CERS3: variants seen among roughly 807,000 people sequenced by gnomAD.
CERS3 encodes the protein ceramide synthase 3.
CERS3 carries 33 observed loss-of-function variants against 50.3 expected under a neutral mutation model. That is an observed-to-expected ratio of 0.66 (90% CI 0.50 to 0.88). CERS3 has a LOEUF of 0.88. CERS3 is among the 40% of genes least tolerant of loss of function. The pLI is 0.00. For missense variants in CERS3, 470 were observed against 460.3 expected (o/e 1.02, Z -0.19); for synonymous variants, 176 against 155.2 (o/e 1.13, Z -0.99).
At chr15:100,526,478 CTGTGTGTGTGTGTG>C (rs1217852084) in intron 1 of CERS3, among the ~76,000 whole-genome samples, 1 of 131,458 alleles carries the variant, frequency 7.6e-6, no homozygotes, top group Non-Finnish European at 1.6e-5. Flanking sequence ...CCTACATAAA[CTGTGTGTGTGTGTG>C]TGTGTGTGTG....
At chr15:100,473,827 C>G (rs745902684) in intron 8 of CERS3, among the ~76,000 whole-genome samples, 20 of 152,198 alleles carry the variant, frequency 1.3e-4, no homozygotes, top group Non-Finnish European at 2.8e-4. Flanking sequence ...CATGCAAAAA[C>G]TTGTGTATGA....
chr15:100,456,542 A>G (rs1218855155), intron 10 of CERS3, among the ~76,000 whole-genome samples: 1 of 152,250 alleles, frequency 6.6e-6, no homozygotes, highest in Non-Finnish European at 1.5e-5. Flanking sequence ...TGAGTACTTA[A>G]CACTTCTGCT....
At chr15:100,458,125 A>C (rs533173422) in intron 10 of CERS3, among the ~76,000 whole-genome samples, 3 of 152,236 alleles carry the variant, frequency 2.0e-5, no homozygotes, top group Non-Finnish European at 4.4e-5. Flanking sequence ...TTTATGAAAG[A>C]AGAGTTTCAC....
At chr15:100,415,062 C>G (rs768780116) in intron 11 of CERS3, among the ~76,000 whole-genome samples, 1 of 152,020 alleles carries the variant, frequency 6.6e-6, no homozygotes, top group Non-Finnish European at 1.5e-5. Context: ...TATCCAGAAC[C>G]TACAATGAAC....
chr15:100,541,471 TA>T (rs201943059), intron 1 of CERS3, among the ~76,000 whole-genome samples: 17 of 146,250 alleles, frequency 1.2e-4, no homozygotes, highest in Admixed American at 2.0e-4. Context: ...GACTCCATCT[TA>T]AAAAAAAAAA....
chr15:100,442,833 T>A (rs912483022), intron 11 of CERS3, among the ~76,000 whole-genome samples: 1 of 152,162 alleles, frequency 6.6e-6, no homozygotes, highest in Admixed American at 6.6e-5. Flanking sequence ...ACTCTCACAG[T>A]GGAAGGTAAG....
At chr15:100,407,967 G>A (rs1016133659) in intron 11 of CERS3, among the ~76,000 whole-genome samples, 4 of 152,140 alleles carry the variant, frequency 2.6e-5, no homozygotes, top group South Asian at 4.1e-4. Context: ...TGCCTCCAAG[G>A]TTCAAGTGAT....
chr15:100,532,737 C>T (rs866409727), upstream of CERS3, among the ~76,000 whole-genome samples: 2 of 152,004 alleles, frequency 1.3e-5, no homozygotes, highest in Non-Finnish European at 2.9e-5. Context: ...CCAGACTGGG[C>T]GACAGAGTAA....
At chr15:100,448,442 T>C (rs768101738) in intron 11 of CERS3, among the ~76,000 whole-genome samples, 1 of 152,212 alleles carries the variant, frequency 6.6e-6, no homozygotes, top group Non-Finnish European at 1.5e-5. Context: ...ATTCCCATCA[T>C]GGACTCCTGC....
chr15:100,454,566 T>G (rs1295862266), intron 11 of CERS3, among the ~76,000 whole-genome samples: 1 of 152,072 alleles, frequency 6.6e-6, no homozygotes, highest in African/African-American at 2.4e-5. Flanking sequence ...ACACAGATTA[T>G]AGACTTAAAT....
At chr15:100,413,175 C>T (rs915679808) in intron 11 of CERS3, among the ~76,000 whole-genome samples, 1 of 152,088 alleles carries the variant, frequency 6.6e-6, no homozygotes, top group Non-Finnish European at 1.5e-5. Context: ...TCCAAATTGC[C>T]ATATTTTACA....
intron 3 of CERS3, among the ~76,000 whole-genome samples, chr15:100,495,774 T>G (rs1160563665): frequency 6.6e-6 from 1 of 152,198 alleles, no homozygotes; most frequent in Non-Finnish European, 1.5e-5. Flanking sequence ...AAAAGATAAC[T>G]AGTAAGGTAT....
At chr15:100,441,076 T>C (rs1343965843) in intron 11 of CERS3, among the ~76,000 whole-genome samples, 1 of 152,176 alleles carries the variant, frequency 6.6e-6, no homozygotes, top group Non-Finnish European at 1.5e-5. Flanking sequence ...AGTCCCGCTT[T>C]TCTGGGGGAG....
intron 11 of CERS3, among the ~76,000 whole-genome samples, chr15:100,411,520 G>T (rs985489279): frequency 1.3e-5 from 2 of 152,058 alleles, no homozygotes; most frequent in African/African-American, 4.8e-5. Context: ...ATCACATATT[G>T]TTTATCCAAT....
intron 11 of CERS3, among the ~76,000 whole-genome samples, chr15:100,431,573 A>G (rs2033134161): frequency 6.6e-6 from 1 of 152,232 alleles, no homozygotes; most frequent in Non-Finnish European, 1.5e-5. Context: ...AGGGAAGAGT[A>G]TAGTGATCTC....
In CERS3 at chr15:100,420,679, C is replaced by T. The variant is rs2032356202; in HGVS notation, c.1000-17814G>A. On this transcript the variant is annotated intron_variant, in intron 11 of 11. Transcript: ENST00000679737. ...CTTGATGAACATTGATGCAAAAATC[C>T]TCAATAAAATACTGGCAAAACGAAT... Among the ~76,000 whole-genome samples, 3 of 150,972 alleles carry T rather than the reference C, an allele frequency of 2.0e-5. No individual in the cohort carries two copies. The South Asian group carries it at 6.3e-4, about 32-fold the overall frequency.
chr15:100,421,187 T>A lies in CERS3; in HGVS notation c.1000-18322A>T, dbSNP rs545025524. Among the ~76,000 whole-genome samples, 15 of 151,720 alleles carry A rather than the reference T, an allele frequency of 9.9e-5. No individual in the cohort carries two copies. In the South Asian group the frequency reaches 1.5e-3, roughly 15 times the overall value. On this transcript the variant is annotated intron_variant, in intron 11 of 11. Coordinates refer to ENST00000679737, the MANE Select transcript of CERS3 (RefSeq NM_001378789.1). ...ATGATTGTATATCTAGAAAACCCCATTGTCTCAGCCCAAAATCTCCTTAAG... is the reference window on the plus strand; with the variant it reads ...ATGATTGTATATCTAGAAAACCCCAATGTCTCAGCCCAAAATCTCCTTAAG...
intron 2 of CERS3, among the ~76,000 whole-genome samples, chr15:100,510,760 C>A (rs965889533): frequency 6.6e-6 from 1 of 152,130 alleles, no homozygotes; most frequent in Non-Finnish European, 1.5e-5. Context: ...AGGACAGGAG[C>A]GATTTTTAAA....
chr15:100,473,600 A>G (rs1230466240), intron 8 of CERS3, among the ~76,000 whole-genome samples: 1 of 152,226 alleles, frequency 6.6e-6, no homozygotes, highest in Non-Finnish European at 1.5e-5. Context: ...ACAATGAGAT[A>G]TACTTCACAC....
Sources: gnomAD v4.1 joint callset for allele counts (sites outside exome capture counted in the v4.1 genomes callset) on GRCh38, gnomAD v4.1.1 for gene constraint, MANE v1.5 for transcripts, NCBI Gene and HGNC (gene_info 2026-07-23, HGNC 2026-07-21) for gene names.